SERPINA6: variants seen among roughly 807,000 people sequenced by gnomAD.
SERPINA6 encodes the protein serpin family A member 6.
In SERPINA6, 19 loss-of-function variants were observed where a neutral mutation model predicts 26.4. The ratio of observed to expected loss-of-function variants is 0.72; its 90% CI spans 0.50 to 1.06. SERPINA6 has a LOEUF of 1.06. Among genes scored for constraint, SERPINA6 ranks in the 50% least tolerant of loss-of-function variants. The pLI is 0.00. For missense variants in SERPINA6, 473 were observed against 504.0 expected (o/e 0.94, Z 0.59); for synonymous variants, 196 against 199.4 (o/e 0.98, Z 0.14).
chr14:94,319,920 A>G (rs996559748), intron 1 of SERPINA6, among the ~76,000 whole-genome samples: 2 of 152,216 alleles, frequency 1.3e-5, no homozygotes, highest in Non-Finnish European at 2.9e-5. Context: ...TATGAACTGT[A>G]TGCTTGTAGT....
In SERPINA6 at chr14:94,314,205, C is replaced by A. The variant is rs1156373008; in HGVS notation, c.444G>T (p.Lys148Asn). 5.4e-5 allele frequency: 87 copies of A among 1,614,100 alleles called. No individual in the cohort carries two copies. The highest frequency in any genetic ancestry group is 6.1e-5 in the Non-Finnish European group (72 of 1,180,054). ...ELLESFSADI[K>N]HYYESEVLAM... ...CCAAGACCTCTGACTCATAGTAGTG[C>A]TTGATGTCTGCTGAGAATGACTCCA... Residue 148 changes from lysine to asparagine, a missense_variant, in exon 2 of 5, where the codon AAG becomes AAT. By Grantham distance (94) the Lys-to-Asn change is moderately conservative. Transcript: ENST00000341584.
intron 1 of SERPINA6, among the ~76,000 whole-genome samples, chr14:94,315,782 A>G (rs1281724699): frequency 6.6e-6 from 1 of 152,234 alleles, no homozygotes; most frequent in Non-Finnish European, 1.5e-5. Flanking sequence ...TCAGTACAGC[A>G]AGAAGATATA....
intron 1 of SERPINA6, among the ~76,000 whole-genome samples, chr14:94,317,013 C>T (rs1460830107): frequency 2.0e-5 from 3 of 152,166 alleles, no homozygotes; most frequent in African/African-American, 7.2e-5. Flanking sequence ...TTGCAGATGG[C>T]AGATTGTGGG....
intron 1 of SERPINA6, among the ~76,000 whole-genome samples, chr14:94,317,475 C>A (rs1173578951): frequency 6.6e-6 from 1 of 152,164 alleles, no homozygotes; most frequent in East Asian, 1.9e-4. Context: ...CTTGGCCTCT[C>A]TCTCCTGATC....
chr14:94,304,874 G>A (rs1895413636), intron 4 of SERPINA6, among the ~76,000 whole-genome samples: 1 of 152,108 alleles, frequency 6.6e-6, no homozygotes, highest in South Asian at 2.1e-4. Flanking sequence ...GCTTGAACTG[G>A]GCTTCACTGT....
Position 94,314,356 on chromosome 14 carries a change from G to T in SERPINA6, c.293C>A (p.Thr98Asn). Reference protein sequence around the residue: ...QLLQGLGFNLTERSETEIHQG... With the variant: ...QLLQGLGFNLNERSETEIHQG... ...GTGGATCTCAGTCTCAGACCTCTCA[G>T]TGAGGTTGAAACCCAGGCCCTGGAG... is the stretch of plus-strand genomic sequence containing the variant. Residue 98 changes from threonine to asparagine, a missense_variant, in exon 2 of 5, where the codon ACT becomes AAT. Physicochemically the swap from Thr to Asn is moderately conservative, Grantham distance 65. Transcript: ENST00000341584. The T allele has an allele frequency of 6.2e-7, 1 of 1,614,164 alleles. No individual in the cohort carries two copies. The highest frequency in any genetic ancestry group is 8.5e-7 in the Non-Finnish European group (1 of 1,180,016).
At chr14:94,322,077 A>G (rs1895691854) in intron 1 of SERPINA6, among the ~76,000 whole-genome samples, 1 of 152,206 alleles carries the variant, frequency 6.6e-6, no homozygotes, top group African/African-American at 2.4e-5. Context: ...TACAGATGAG[A>G]AAACTGAGAT....
At chr14:94,319,111 C>A (rs1895649708) in intron 1 of SERPINA6, among the ~76,000 whole-genome samples, 1 of 152,138 alleles carries the variant, frequency 6.6e-6, no homozygotes, top group South Asian at 2.1e-4. Context: ...TGAGATACCA[C>A]TTTGTATCCA....
intron 1 of SERPINA6, among the ~76,000 whole-genome samples, chr14:94,322,604 T>G (rs1289130513): frequency 6.6e-6 from 1 of 152,244 alleles, no homozygotes; most frequent in East Asian, 1.9e-4. Flanking sequence ...AAGTATGCCC[T>G]CTTTGTTCCT....
At chr14:94,308,002 GC>G (rs1315596096) in intron 3 of SERPINA6, among the ~76,000 whole-genome samples, 1 of 152,218 alleles carries the variant, frequency 6.6e-6, no homozygotes, top group Non-Finnish European at 1.5e-5. Context: ...ATTATCTACT[GC>G]AAAATTTTTA....
intron 3 of SERPINA6, among the ~76,000 whole-genome samples, chr14:94,308,180 G>T (rs1369536939): frequency 6.6e-6 from 1 of 152,210 alleles, no homozygotes; most frequent in Non-Finnish European, 1.5e-5. Context: ...AACCTGCTCT[G>T]CAGCCCTTCC....
intron 2 of SERPINA6, among the ~76,000 whole-genome samples, chr14:94,311,789 A>T (rs1895533138): frequency 1.3e-5 from 2 of 151,970 alleles, no homozygotes; most frequent in South Asian, 4.1e-4. Flanking sequence ...AATACAAAAA[A>T]ATAAAAAAAT....
chr14:94,305,954 T>C (rs1895432142), intron 4 of SERPINA6, 117 bp downstream of exon 4: 1 of 1,172,934 alleles, frequency 8.5e-7, no homozygotes, highest in Admixed American at 1.9e-5. Flanking sequence ...CAACCTGGGG[T>C]TCTCAGCCAG....
chr14:94,311,628 T>C lies in SERPINA6; in HGVS notation c.614-1622A>G, dbSNP rs186987614. Among the ~76,000 whole-genome samples the C allele has an allele frequency of 9.2e-5, 14 of 151,950 alleles. 1 individual carries two copies. In the East Asian group the frequency reaches 1.7e-3, roughly 19 times the overall value. Reference sequence around the variant, plus strand: ...TTTTAATGTTATTAAAAAAAAACTGTCAAGAAAGTCCGATAAATAACACAT... The same window carrying C: ...TTTTAATGTTATTAAAAAAAAACTGCCAAGAAAGTCCGATAAATAACACAT... On this transcript the variant is annotated intron_variant, in intron 2 of 4. Transcript: ENST00000341584.
At chr14:94,321,867 T>G (rs1895688404) in intron 1 of SERPINA6, among the ~76,000 whole-genome samples, 1 of 152,170 alleles carries the variant, frequency 6.6e-6, no homozygotes, top group Non-Finnish European at 1.5e-5. Flanking sequence ...ACAGGCCCTG[T>G]GCGGTATGAT....
At chr14:94,307,063 A>G (rs1895451245) in intron 3 of SERPINA6, among the ~76,000 whole-genome samples, 1 of 152,144 alleles carries the variant, frequency 6.6e-6, no homozygotes, top group Admixed American at 6.5e-5. Context: ...TCCTGCGTGA[A>G]GTGGAAGCCG....
intron 4 of SERPINA6, 59 bp from the exon 5 acceptor site, chr14:94,304,662 A>C (rs182400167): frequency 5.5e-6 from 8 of 1,444,562 alleles, no homozygotes. Context: ...CGCTTTCCTG[A>C]CTCATTGCTG....
chr14:94,315,894 C>T (rs759579320), intron 1 of SERPINA6, among the ~76,000 whole-genome samples: 9 of 150,600 alleles, frequency 6.0e-5, no homozygotes, highest in Non-Finnish European at 1.2e-4. Flanking sequence ...ATTCTATTCT[C>T]ATCCCTTTGT....
chr14:94,314,098 T>G lies in SERPINA6; in HGVS notation c.551A>C (p.Asp184Ala). Reference protein sequence around the residue: ...VKNKTQGKIVDLFSGLDSPAI... With the variant: ...VKNKTQGKIVALFSGLDSPAI... ...TGGGCTATCCAGCCCTGAAAACAAGTCGACAATTTTCCCCTGTGTCTTATT... is the reference window on the plus strand; with the variant it reads ...TGGGCTATCCAGCCCTGAAAACAAGGCGACAATTTTCCCCTGTGTCTTATT... Residue 184 changes from aspartate to alanine, a missense_variant, in exon 2 of 5, where the codon GAC becomes GCC. Transcript: ENST00000341584. The G allele has an allele frequency of 6.2e-7, 1 of 1,614,160 alleles. No individual in the cohort carries two copies. Among genetic ancestry groups the G allele is most frequent in the Non-Finnish European group, 8.5e-7 (1 of 1,180,016 alleles).
Sources: gnomAD v4.1 joint callset for allele counts (sites outside exome capture counted in the v4.1 genomes callset) on GRCh38, gnomAD v4.1.1 for gene constraint, MANE v1.5 for transcripts, NCBI Gene and HGNC (gene_info 2026-07-23, HGNC 2026-07-21) for gene names.